ORC5: variants seen among roughly 807,000 people sequenced by gnomAD.
The protein encoded by ORC5 is protein phosphatase 1, regulatory subunit 117.
In ORC5, 39 loss-of-function variants were observed where a neutral mutation model predicts 58.8. The ratio of observed to expected loss-of-function variants is 0.66; its 90% CI spans 0.51 to 0.87. ORC5 has a LOEUF of 0.87. Among genes scored for constraint, ORC5 ranks in the 40% least tolerant of loss-of-function variants. The pLI, the probability that ORC5 is intolerant of heterozygous loss-of-function variation, is 0.00. For missense variants in ORC5, 493 were observed against 506.3 expected, an observed-to-expected ratio of 0.97 and a Z score of 0.25; for synonymous variants, 218 against 177.6, an observed-to-expected ratio of 1.23 and a Z score of -1.81.
rs1394110704 is a variant in ORC5, at chr7:104,181,246, TA to T, written c.824+2696del. On this transcript the variant is annotated intron_variant, in intron 8 of 13. Coordinates refer to ENST00000297431, the MANE Select transcript of ORC5 (RefSeq NM_002553.4). ...TTTCTCTCTTAATCTACCTATAGTT[TA>T]TAGTTTTATGGAACTGCTAATTAGC... Among the ~76,000 whole-genome samples the T allele has an allele frequency of 3.4e-4, 52 of 152,234 alleles. 1 individual carries two copies. Among genetic ancestry groups the T allele is most frequent in the Non-Finnish European group, 7.3e-5 (5 of 68,036 alleles).
Position 104,126,756 on chromosome 7 carries a change from A to T in ORC5, c.*92T>A. The T allele has an allele frequency of 1.1e-6, 1 of 883,590 alleles. No homozygotes were observed. The highest frequency in any genetic ancestry group is 1.6e-5 in the South Asian group (1 of 61,302). 54.7% of individuals were successfully genotyped at this position (883,590 alleles called of 1,614,324 possible). ...TGTTTGGACAAATCCAATAGAGCCAAAGAACTCCTCTCCTTGGCCAGCTAA... is the reference window on the plus strand; with the variant it reads ...TGTTTGGACAAATCCAATAGAGCCATAGAACTCCTCTCCTTGGCCAGCTAA... On this transcript the variant is annotated 3_prime_UTR_variant, in exon 14 of 14. Transcript: ENST00000297431.
intron 10 of ORC5, chr7:104,165,615 A>G (rs1041957781): frequency 1.5e-5 from 3 of 197,606 alleles, no homozygotes; most frequent in African/African-American, 7.1e-5. Flanking sequence ...ATGGATTTTT[A>G]TTCATCCCAT....
chr7:104,187,766 C>T, intron 6 of ORC5: 1 of 979,426 alleles, frequency 1.0e-6, no homozygotes, highest in Non-Finnish European at 1.2e-6. Flanking sequence ...ATTACCAGCT[C>T]AGGGTCAGTG....
At chr7:104,191,418 TAAGAAAATCTGGA>T (rs1214347653) in intron 5 of ORC5, among the ~76,000 whole-genome samples, 1 of 152,074 alleles carries the variant, frequency 6.6e-6, no homozygotes, top group Non-Finnish European at 1.5e-5. Context: ...AATGAATGGC[TAAGAAAATCTGGA>T]AAACAGTTGA....
intron 12 of ORC5, among the ~76,000 whole-genome samples, chr7:104,144,995 G>T (rs933659052): frequency 5.3e-5 from 8 of 152,126 alleles, no homozygotes; most frequent in African/African-American, 1.9e-4. Flanking sequence ...AGGTGGGGCC[G>T]AGCCTTTCCC....
At chr7:104,165,883 T>A (rs1477145647) in intron 10 of ORC5, 1 of 152,492 alleles carries the variant, frequency 6.6e-6, no homozygotes, top group Admixed American at 6.6e-5. Context: ...CTGGCCAACA[T>A]GGCAAAACCC....
Position 104,188,337 on chromosome 7 carries a change from A to C in ORC5, c.598T>G (p.Ser200Ala). Reference protein sequence around the residue: ...ILSHDHPPEYSADFYAAYINI... With the variant: ...ILSHDHPPEYAADFYAAYINI... ...ATGTAGGCAGCATAGAAATCAGCTGAATACTCTGGAGGATGATCATGGGAC... is the reference window on the plus strand; with the variant it reads ...ATGTAGGCAGCATAGAAATCAGCTGCATACTCTGGAGGATGATCATGGGAC... Residue 200 changes from serine (S) to alanine (A), a missense_variant, in exon 6 of 14, where the codon TCA (serine) becomes GCA (alanine). By Grantham distance (99) the Ser-to-Ala change is moderately conservative. Around this residue, in one of 3 missense-constraint regions of ORC5, gnomAD observed 412 missense variants for 403.7 expected, o/e 1.02. Coordinates refer to ENST00000297431, the MANE Select transcript of ORC5 (RefSeq NM_002553.4). The C allele has an allele frequency of 6.2e-7, 1 of 1,611,286 alleles. No homozygotes were observed. Among genetic ancestry groups the C allele is most frequent in the Non-Finnish European group, 8.5e-7 (1 of 1,177,630 alleles).
intron 8 of ORC5, among the ~76,000 whole-genome samples, chr7:104,182,063 G>T (rs1799445337): frequency 6.6e-6 from 1 of 152,106 alleles, no homozygotes; most frequent in Admixed American, 6.5e-5. Flanking sequence ...TCAACCTGTA[G>T]CCTAGACTAG....
intron 6 of ORC5, chr7:104,188,029 G>T: frequency 9.0e-7 from 1 of 1,109,248 alleles, no homozygotes; most frequent in Non-Finnish European, 1.1e-6. Context: ...TTTCTGATCA[G>T]ATCAAACAAT....
intron 12 of ORC5, among the ~76,000 whole-genome samples, chr7:104,147,176 T>C (rs1394486323): frequency 6.6e-6 from 1 of 152,078 alleles, no homozygotes; most frequent in Non-Finnish European, 1.5e-5. Context: ...AAATCTCTCC[T>C]ACTTAAAGGC....
intron 4 of ORC5, among the ~76,000 whole-genome samples, chr7:104,195,505 G>A (rs1228347442): frequency 6.6e-6 from 1 of 152,138 alleles, no homozygotes; most frequent in Admixed American, 6.6e-5. Context: ...AGGCATAAGT[G>A]ATCCTCCTAT....
At chr7:104,173,891 C>T (rs1240969616) in intron 8 of ORC5, among the ~76,000 whole-genome samples, 1 of 136,078 alleles carries the variant, frequency 7.3e-6, no homozygotes. Context: ...GTCGCCCAGG[C>T]TGGAGTGCAG....
intron 12 of ORC5, among the ~76,000 whole-genome samples, chr7:104,144,818 T>C (rs559194427): frequency 3.9e-5 from 6 of 152,358 alleles, no homozygotes; most frequent in Admixed American, 1.3e-4. Flanking sequence ...TGCTCCACTT[T>C]AAATGTTCAT....
intron 13 of ORC5, among the ~76,000 whole-genome samples, chr7:104,135,305 T>C (rs1223109295): frequency 2.6e-5 from 4 of 152,182 alleles, no homozygotes; most frequent in African/African-American, 9.7e-5. Flanking sequence ...TGATTATACT[T>C]AACACACTAA....
chr7:104,168,802 C>T (rs536984526), intron 8 of ORC5, among the ~76,000 whole-genome samples: 1 of 152,266 alleles, frequency 6.6e-6, no homozygotes, highest in Admixed American at 6.5e-5. Flanking sequence ...TTCACCCAGG[C>T]CGGGTGTGGT....
intron 13 of ORC5, among the ~76,000 whole-genome samples, chr7:104,135,695 A>C (rs1012877460): frequency 5.9e-5 from 9 of 152,218 alleles, no homozygotes; most frequent in African/African-American, 1.7e-4. Flanking sequence ...AACCTCAAGA[A>C]GCTGTAAAAT....
chr7:104,148,069 G>T (rs1006919114), intron 12 of ORC5, among the ~76,000 whole-genome samples: 6 of 152,118 alleles, frequency 3.9e-5, no homozygotes, highest in African/African-American at 1.4e-4. Context: ...GTAATTAGTG[G>T]CATATGGACT....
chr7:104,183,701 G>C (rs961518456), intron 8 of ORC5, among the ~76,000 whole-genome samples: 4 of 152,206 alleles, frequency 2.6e-5, no homozygotes, highest in African/African-American at 9.7e-5. Flanking sequence ...GATCCTTGTA[G>C]CAAAGAATAA....
chr7:104,155,708 T>C (rs1199237706), intron 12 of ORC5, among the ~76,000 whole-genome samples: 1 of 151,488 alleles, frequency 6.6e-6, no homozygotes, highest in Non-Finnish European at 1.5e-5. Context: ...AATAAAGCAA[T>C]ATGGCTTTGA....
Sources: allele counts gnomAD v4.1 joint callset (sites outside exome capture counted in the v4.1 genomes callset), GRCh38; gene constraint gnomAD v4.1.1; regional missense constraint gnomAD v4.1.1; transcripts MANE v1.5; gene names NCBI Gene and HGNC (gene_info 2026-07-23, HGNC 2026-07-21).